The following FIG4 variants were observed in gnomAD, a reference collection of about 807,000 sequenced individuals.
FIG4 encodes the protein FIG4 phosphoinositide 5-phosphatase.
In FIG4, 112 loss-of-function variants were observed where a neutral mutation model predicts 118.6. That is an observed-to-expected ratio of 0.94 (90% CI 0.81 to 1.11). The LOEUF is 1.11. FIG4 is among the 50% of genes least tolerant of loss of function. FIG4 has a pLI of 0.00. For missense variants in FIG4, 969 were observed against 1,111.7 expected, an observed-to-expected ratio of 0.87 and a Z score of 1.83; for synonymous variants, 369 against 381.2, an observed-to-expected ratio of 0.97 and a Z score of 0.37.
At chr6:109,761,275 C>T (rs1777096340) in intron 11 of FIG4, among the ~76,000 whole-genome samples, 1 of 152,164 alleles carries the variant, frequency 6.6e-6, no homozygotes, top group Non-Finnish European at 1.5e-5. Flanking sequence ...ATTGCAGACT[C>T]TGCCGCCCGG....
intron 2 of FIG4, among the ~76,000 whole-genome samples, chr6:109,715,602 T>C (rs1775406247): frequency 6.6e-6 from 1 of 152,200 alleles, no homozygotes; most frequent in African/African-American, 2.4e-5. Flanking sequence ...TCTAGGACCT[T>C]TACTGATGAT....
In FIG4 at chr6:109,743,691, A is replaced by G. The variant is rs1162925409; in HGVS notation, c.1056A>G (p.Pro352=). The change falls in exon 10 of 23, where the codon CCA becomes CCG. Residue 352 remains proline, a synonymous_variant. Coordinates refer to ENST00000230124, the MANE Select transcript of FIG4 (RefSeq NM_014845.6). ...CCTTCTCAGTGGATCAGGCAGATCC[A>G]TTTGCACATGTGGCTGCCCTTCACT... ...KPPITLDQAD[P]FAHVAALHFD... 2 of 1,612,448 alleles carry G rather than the reference A, an allele frequency of 1.2e-6. No homozygotes were observed. The highest frequency in any genetic ancestry group is 2.7e-5 in the African/African-American group (2 of 74,822).
intron 15 of FIG4, among the ~76,000 whole-genome samples, chr6:109,767,561 T>C (rs1206073656): frequency 6.6e-6 from 1 of 152,126 alleles, no homozygotes; most frequent in Non-Finnish European, 1.5e-5. Context: ...TTACATAATA[T>C]GGAGAAGATT....
chr6:109,786,692 C>A (rs1777968893), intron 18 of FIG4, among the ~76,000 whole-genome samples: 1 of 152,066 alleles, frequency 6.6e-6, no homozygotes, highest in African/African-American at 2.4e-5. Flanking sequence ...TCCTATTAGT[C>A]CTAGTTTGCC....
intron 3 of FIG4, among the ~76,000 whole-genome samples, chr6:109,724,740 A>G (rs554323822): frequency 1.3e-5 from 2 of 151,932 alleles, no homozygotes; most frequent in South Asian, 2.1e-4. Flanking sequence ...TTTTGGACTC[A>G]TCTTACTATG....
At chr6:109,721,000 T>C (rs1416671769) in intron 3 of FIG4, among the ~76,000 whole-genome samples, 1 of 152,178 alleles carries the variant, frequency 6.6e-6, no homozygotes, top group Non-Finnish European at 1.5e-5. Flanking sequence ...TCAGTTCTGT[T>C]ATCATCCCAG....
chr6:109,693,697 T>C (rs747429465), intron 1 of FIG4, among the ~76,000 whole-genome samples: 2 of 152,150 alleles, frequency 1.3e-5, no homozygotes, highest in Non-Finnish European at 2.9e-5. Flanking sequence ...CTATGATTGG[T>C]TATCATCCCC....
intron 22 of FIG4, among the ~76,000 whole-genome samples, chr6:109,820,854 A>C (rs751524709): frequency 1.6e-4 from 25 of 152,174 alleles, no homozygotes; most frequent in Non-Finnish European, 3.7e-4. Flanking sequence ...GAGGATGTGG[A>C]AGTAAACCCC....
intron 10 of FIG4, 67 bp downstream of exon 10, chr6:109,743,839 AG>A (rs1776401612): frequency 9.2e-7 from 1 of 1,085,130 alleles, no homozygotes; most frequent in African/African-American, 1.6e-5. Context: ...CTCAACACAG[AG>A]GGGGTTAACA....
intron 20 of FIG4, 86 bp downstream of exon 20, chr6:109,791,657 G>A (rs1778142632): frequency 8.6e-7 from 1 of 1,162,112 alleles, no homozygotes; most frequent in Non-Finnish European, 1.3e-6. Context: ...AAGGCTGAGA[G>A]CAAGAAAATG....
chr6:109,715,995 A>G (rs1775417806), intron 2 of FIG4, among the ~76,000 whole-genome samples: 1 of 152,158 alleles, frequency 6.6e-6, no homozygotes, highest in Non-Finnish European at 1.5e-5. Context: ...CTCCCCACCT[A>G]TCTGAGCATT....
chr6:109,763,233 T>C (rs1777165878), intron 12 of FIG4, among the ~76,000 whole-genome samples: 2 of 152,240 alleles, frequency 1.3e-5, no homozygotes, highest in Admixed American at 6.5e-5. Context: ...GTCACTCTTA[T>C]CAGTTCTGGG....
chr6:109,692,966 G>A (rs1050360517), intron 1 of FIG4, among the ~76,000 whole-genome samples: 3 of 152,174 alleles, frequency 2.0e-5, no homozygotes, highest in Non-Finnish European at 4.4e-5. Flanking sequence ...TTACAGGCAT[G>A]AGCCACCGCA....
At chr6:109,752,763 C>T (rs180673978) in intron 10 of FIG4, among the ~76,000 whole-genome samples, 21 of 152,234 alleles carry the variant, frequency 1.4e-4, no homozygotes, top group African/African-American at 3.9e-4. Context: ...GAGTAGGTTG[C>T]GGAGAATTTC....
intron 1 of FIG4, chr6:109,701,864 TA>T (rs1266011905): frequency 2.4e-6 from 1 of 421,046 alleles, no homozygotes; most frequent in East Asian, 7.1e-5. Context: ...GCGATTATAT[TA>T]ATAACTGGTT....
At position 109,735,293 on chromosome 6, in the gene FIG4, G is replaced by A. The variant is rs1776128339; in HGVS notation, c.641G>A (p.Gly214Glu). Residue 214 changes from glycine (G) to glutamate (E), a missense_variant, in exon 6 of 23, where the codon GGA becomes GAA. Physicochemically the swap from Gly to Glu is moderately conservative, Grantham distance 98. This residue lies in a region of FIG4 where 393 missense variants were observed against 409.4 expected (regional missense o/e 0.96). Coordinates refer to ENST00000230124, the MANE Select transcript of FIG4 (RefSeq NM_014845.6). Reference sequence around the variant, plus strand: ...GATGAAGGATTAATTACACAAGGTGGAAGCGGTAGGTGGTCTTGATATATC... The same window carrying A: ...GATGAAGGATTAATTACACAAGGTGAAAGCGGTAGGTGGTCTTGATATATC... ...FEDEGLITQG[G>E]SGVFGICSEP... 1 of 1,613,008 alleles carries A rather than the reference G, an allele frequency of 6.2e-7. No individual in the cohort carries two copies. The highest frequency in any genetic ancestry group is 8.5e-7 in the Non-Finnish European group (1 of 1,179,272).
intron 9 of FIG4, 186 bp downstream of exon 9, chr6:109,743,458 T>G (rs1011013517): frequency 1.5e-6 from 1 of 668,002 alleles, no homozygotes; most frequent in Non-Finnish European, 2.6e-6. Context: ...GACTGTTAAA[T>G]AAATTATTTT....
chr6:109,811,370 CTTCTA>C (rs1778716229), intron 22 of FIG4, among the ~76,000 whole-genome samples: 1 of 152,122 alleles, frequency 6.6e-6, no homozygotes, highest in South Asian at 2.1e-4. Context: ...GGCAGATGAC[CTTCTA>C]TCAGCAATGT....
In FIG4 at chr6:109,763,909, T is replaced by G. The variant is rs375979222; in HGVS notation, c.1389-28T>G. 6 of 1,554,860 alleles carry G rather than the reference T, an allele frequency of 3.9e-6. No individual in the cohort carries two copies. In the Admixed American group the frequency reaches 5.0e-5, roughly 13 times the overall value. Reference sequence around the variant, plus strand: ...TAAATATGTATTCTGCCATTAAGTTTTTTAAAAGTGTTTATTTTTAAACAC... The same window carrying G: ...TAAATATGTATTCTGCCATTAAGTTGTTTAAAAGTGTTTATTTTTAAACAC... On this transcript the variant is annotated intron_variant, in intron 12 of 22. Coordinates refer to ENST00000230124, the MANE Select transcript of FIG4 (RefSeq NM_014845.6).
Sources: gnomAD v4.1 joint callset for allele counts (sites outside exome capture counted in the v4.1 genomes callset) on GRCh38, gnomAD v4.1.1 for gene constraint, gnomAD v4.1.1 regional missense constraint, MANE v1.5 for transcripts, NCBI Gene and HGNC (gene_info 2026-07-23, HGNC 2026-07-21) for gene names.